Variants in STK10 observed in about 807,000 individuals in gnomAD.
The protein encoded by STK10 is serine/threonine kinase 10, also known as serine/threonine-protein kinase 10.
STK10 carries 78 observed loss-of-function variants against 113.8 expected under a neutral mutation model. The ratio of observed to expected loss-of-function variants is 0.69; its 90% CI spans 0.57 to 0.83. The LOEUF (loss-of-function observed/expected upper bound fraction) is 0.83, where lower values mean the gene tolerates loss of function less well. STK10 is among the 40% of genes least tolerant of loss of function. The pLI is 0.00. For synonymous variants in STK10, 465 were observed against 494.7 expected, an observed-to-expected ratio of 0.94 and a Z score of 0.80; for missense variants, 1,109 against 1,280.1, an observed-to-expected ratio of 0.87 and a Z score of 2.04.
intron 12 of STK10, among the ~76,000 whole-genome samples, chr5:172,068,544 TA>T (rs1229497451): frequency 6.6e-6 from 1 of 152,104 alleles, no homozygotes; most frequent in East Asian, 1.9e-4. Context: ...ACAGAAATGG[TA>T]AATATCTGGA....
chr5:172,096,132 G>A (rs1034485487), intron 8 of STK10, among the ~76,000 whole-genome samples: 22 of 152,176 alleles, frequency 1.4e-4, no homozygotes, highest in Non-Finnish European at 3.1e-4. Context: ...CAAAGGATGG[G>A]AAGCCATGAA....
chr5:172,058,550 C>T (rs1238589822), intron 14 of STK10, among the ~76,000 whole-genome samples: 2 of 152,190 alleles, frequency 1.3e-5, no homozygotes, highest in Non-Finnish European at 2.9e-5. Flanking sequence ...CAAAAGTCCA[C>T]AGGCACCAAA....
At chr5:172,147,959 C>T (rs1770120158) in intron 2 of STK10, among the ~76,000 whole-genome samples, 1 of 152,212 alleles carries the variant, frequency 6.6e-6, no homozygotes. Flanking sequence ...CGTATCACAC[C>T]TGCCATCTGC....
chr5:172,188,086 C>T lies in STK10; in HGVS notation c.-44G>A, dbSNP rs1561839656. 7 of 1,586,868 alleles carry T rather than the reference C, an allele frequency of 4.4e-6. No homozygotes were observed. Among genetic ancestry groups the T allele is most frequent in the Non-Finnish European group, 6.0e-6 (7 of 1,166,098 alleles). On this transcript the variant is annotated 5_prime_UTR_variant, in exon 1 of 19. Transcript: ENST00000176763. This position sits in a 1 kb window ranked among gnomAD's most constrained non-coding sequence, Gnocchi z 5.6. Reference sequence around the variant, plus strand: ...GCCGGCTCGGGCTCGGGCTCGGGCTCGGGCTGTGGCTTCGGCGGCCGCGAG... The same window carrying T: ...GCCGGCTCGGGCTCGGGCTCGGGCTTGGGCTGTGGCTTCGGCGGCCGCGAG...
intron 12 of STK10, among the ~76,000 whole-genome samples, chr5:172,068,154 G>T (rs777582111): frequency 6.6e-6 from 1 of 151,992 alleles, no homozygotes; most frequent in Non-Finnish European, 1.5e-5. Flanking sequence ...GCCTGGCCAA[G>T]ATGGTGAAAC....
At position 172,058,874 on chromosome 5, in the gene STK10, A is replaced by G. The variant is rs566474025; in HGVS notation, c.2213-1401T>C. ...CACTGCACTCCAGCCTGAGTGACAG[A>G]GTAAGACTTGGTCTCAAAAAACAAA... On this transcript the variant is annotated intron_variant, in intron 14 of 18. Coordinates refer to ENST00000176763, the MANE Select transcript of STK10 (RefSeq NM_005990.4). 6.6e-5 allele frequency among the ~76,000 whole-genome samples: 10 copies of G among 152,212 alleles called. No individual in the cohort carries two copies. In the South Asian group the frequency reaches 2.1e-3, roughly 32 times the overall value.
intron 1 of STK10, among the ~76,000 whole-genome samples, chr5:172,173,963 T>C (rs1318029903): frequency 6.6e-6 from 1 of 152,154 alleles, no homozygotes; most frequent in Non-Finnish European, 1.5e-5. Flanking sequence ...TGAGGTGACT[T>C]GCCCAAAGTC....
At chr5:172,104,382 G>A (rs541486415) in intron 7 of STK10, among the ~76,000 whole-genome samples, 7 of 152,124 alleles carry the variant, frequency 4.6e-5, no homozygotes, top group Non-Finnish European at 7.4e-5. Flanking sequence ...CAGCCATGAC[G>A]CCCTAACTCG....
At chr5:172,158,004 C>G (rs1241891870) in intron 1 of STK10, among the ~76,000 whole-genome samples, 1 of 152,140 alleles carries the variant, frequency 6.6e-6, no homozygotes, top group Non-Finnish European at 1.5e-5. Context: ...CCAGTTACAG[C>G]GGAACTGTTT....
chr5:172,176,953 C>T (rs1316296552), intron 1 of STK10, among the ~76,000 whole-genome samples: 2 of 152,178 alleles, frequency 1.3e-5, no homozygotes, highest in Non-Finnish European at 2.9e-5. Flanking sequence ...GCGAGTGGAT[C>T]ACTTGAAGCC....
chr5:172,149,811 C>T (rs1770173423), intron 2 of STK10, among the ~76,000 whole-genome samples: 1 of 151,522 alleles, frequency 6.6e-6, no homozygotes, highest in Non-Finnish European at 1.5e-5. Flanking sequence ...TTTGGGAGGC[C>T]GAGGCGGGTG....
At chr5:172,095,473 C>A (rs1010125461) in intron 8 of STK10, among the ~76,000 whole-genome samples, 1 of 152,228 alleles carries the variant, frequency 6.6e-6, no homozygotes, top group African/African-American at 2.4e-5. Flanking sequence ...CATCTATCGG[C>A]TCAGCCAGCC....
chr5:172,062,908 T>C (rs774979114), intron 13 of STK10, among the ~76,000 whole-genome samples: 1 of 152,234 alleles, frequency 6.6e-6, no homozygotes, highest in Non-Finnish European at 1.5e-5. Flanking sequence ...TTATGACTAT[T>C]TTACCACAAT....
In STK10 at chr5:172,096,477, G is replaced by C; in HGVS notation, c.954C>G (p.Ile318Met). 1.2e-6 allele frequency: 2 copies of C among 1,613,614 alleles called. No individual in the cohort carries two copies. Among genetic ancestry groups the C allele is most frequent in the Non-Finnish European group, 1.7e-6 (2 of 1,180,040 alleles). Reference protein sequence around the residue: ...AEAKAEVMEEIEDGRDEGEEE... With the variant: ...AEAKAEVMEEMEDGRDEGEEE... The stretch of plus-strand genomic sequence containing the variant: ...CTTCCCCCTCATCCCGGCCGTCTTC[G>C]ATCTCTTCCATCACCTCGGCCTTGG... The change falls in exon 8 of 19, where the codon ATC (isoleucine) becomes ATG (methionine). Residue 318 changes from isoleucine (I) to methionine (M), a missense_variant. This residue lies in a region of STK10 where 885 missense variants were observed against 991.1 expected (regional missense o/e 0.89). Coordinates refer to ENST00000176763, the MANE Select transcript of STK10 (RefSeq NM_005990.4).
chr5:172,102,170 A>C (rs1236213376), intron 7 of STK10, among the ~76,000 whole-genome samples: 3 of 151,814 alleles, frequency 2.0e-5, no homozygotes, highest in Admixed American at 6.6e-5. Flanking sequence ...CCCGAGTGAG[A>C]GGTGGTGGTG....
chr5:172,181,354 A>G (rs1486924563), intron 1 of STK10, among the ~76,000 whole-genome samples: 2 of 152,096 alleles, frequency 1.3e-5, no homozygotes, highest in Admixed American at 6.5e-5. Flanking sequence ...CATTCTTCCC[A>G]TAAGGCCTCT....
intron 3 of STK10, among the ~76,000 whole-genome samples, chr5:172,119,850 C>T (rs928681239): frequency 4.7e-5 from 7 of 147,894 alleles, no homozygotes; most frequent in African/African-American, 7.7e-5. Flanking sequence ...GGCGACAGAG[C>T]GAGACTCCAT....
chr5:172,097,370 C>T (rs60829260), intron 7 of STK10, among the ~76,000 whole-genome samples: 11,715 of 152,226 alleles, frequency 0.077, 1,506 homozygotes, highest in African/African-American at 0.27. Flanking sequence ...TATGCACGCA[C>T]CGTAACTGCC....
chr5:172,083,925 G>GAAAAAAAAAAAAAAAAAAAAA (rs58326550), intron 10 of STK10, among the ~76,000 whole-genome samples: 2 of 85,752 alleles, frequency 2.3e-5, no homozygotes, highest in African/African-American at 3.5e-5. Flanking sequence ...ACAAAAAAAA[G>GAAAAAAAAAAAAAAAAAAAAA]AAAAAAAAAA....
Sources: allele counts gnomAD v4.1 joint callset (sites outside exome capture counted in the v4.1 genomes callset), GRCh38; gene constraint gnomAD v4.1.1; regional missense constraint gnomAD v4.1.1; non-coding constraint Gnocchi (gnomAD v3.1); transcripts MANE v1.5; gene names NCBI Gene and HGNC (gene_info 2026-07-23, HGNC 2026-07-21).